SNTG1: variants seen among roughly 807,000 people sequenced by gnomAD.
SNTG1 encodes the protein syntrophin gamma 1, also known as gamma-1-syntrophin.
In SNTG1, 39 loss-of-function variants were observed where a neutral mutation model predicts 74.7. The observed-to-expected ratio is 0.52, with a 90% confidence interval of 0.40 to 0.68. SNTG1 has a LOEUF of 0.68. Ranked by LOEUF, SNTG1 falls within the 30% of genes least tolerant of loss-of-function variation. SNTG1 has a pLI of 0.00. For missense variants in SNTG1, 685 were observed against 609.5 expected (o/e 1.12, Z -1.30); for synonymous variants, 254 against 217.1 (o/e 1.17, Z -1.49).
rs1815020222 is a variant in SNTG1, at chr8:50,004,382, C to T, written c.-103+92151C>T. ...TTTTATAACAAAAGCTGGTGGTTTC[C>T]CAAATCTAAGTAGGAGAGAGAGGAC... On this transcript the variant is annotated intron_variant, in intron 1 of 18. Transcript: ENST00000642720. 2.0e-5 allele frequency among the ~76,000 whole-genome samples: 3 copies of T among 151,978 alleles called. No individual in the cohort carries two copies. The East Asian group carries it at 5.8e-4, about 29-fold the overall frequency.
chr8:50,348,532 G>T (rs538692190), intron 2 of SNTG1, among the ~76,000 whole-genome samples: 1 of 152,088 alleles, frequency 6.6e-6, no homozygotes, highest in Non-Finnish European at 1.5e-5. Context: ...CTTTAATTTG[G>T]TCACCGCAAG....
intron 2 of SNTG1, among the ~76,000 whole-genome samples, chr8:50,393,940 C>T (rs967344943): frequency 6.6e-6 from 1 of 152,156 alleles, no homozygotes; most frequent in Non-Finnish European, 1.5e-5. Context: ...AGTCTGAATG[C>T]CTGCTGGCGG....
intron 12 of SNTG1, among the ~76,000 whole-genome samples, chr8:50,589,544 TG>T (rs1240695954): frequency 1.3e-5 from 2 of 151,900 alleles, no homozygotes; most frequent in Admixed American, 1.3e-4. Flanking sequence ...CTTTCATAGC[TG>T]ATCTTCAAGT....
In SNTG1 at chr8:50,792,765, A is replaced by G. The variant is rs773505145; in HGVS notation, c.1490A>G (p.Asn497Ser). The change falls in exon 19 of 19, where the codon AAT becomes AGT. Residue 497 changes from asparagine (N) to serine (S), a missense_variant. Physicochemically the swap from Asn to Ser is conservative, Grantham distance 46. Coordinates refer to ENST00000642720, the MANE Select transcript of SNTG1 (RefSeq NM_018967.5). Reference sequence around the variant, plus strand: ...TGTTTGGACCCTCTATTTTTAGGCAATCAAGCTACTGCTTCTACTGCTGCC... The same window carrying G: ...TGTTTGGACCCTCTATTTTTAGGCAGTCAAGCTACTGCTTCTACTGCTGCC... ...VACLDPLFLG[N>S]QATASTAASS... 6.2e-7 allele frequency: 1 copy of G among 1,612,470 alleles called. No homozygotes were observed. The highest frequency in any genetic ancestry group is 1.1e-5 in the South Asian group (1 of 91,030).
Position 50,536,760 on chromosome 8 carries a change from T to C in SNTG1, c.632T>C (p.Leu211Pro). 3 of 1,614,066 alleles carry C rather than the reference T, an allele frequency of 1.9e-6. No individual in the cohort carries two copies. Among genetic ancestry groups the C allele is most frequent in the Non-Finnish European group, 2.5e-6 (3 of 1,179,900 alleles). ...KRWCDLRLIP[L>P]LHSRFSQYVP... ...TGGTGCGACCTCAGACTGATCCCTC[T>C]ACTTCATTCGCGCTTCTCTCAGTAT... Residue 211 changes from leucine (L) to proline (P), a missense_variant, in exon 11 of 19, where the codon CTA becomes CCA. Physicochemically the swap from Leu to Pro is moderately conservative, Grantham distance 98. Coordinates refer to ENST00000642720, the MANE Select transcript of SNTG1 (RefSeq NM_018967.5).
chr8:50,276,408 T>A (rs1005265473), intron 2 of SNTG1, among the ~76,000 whole-genome samples: 51 of 133,050 alleles, frequency 3.8e-4, no homozygotes, highest in African/African-American at 1.3e-3. Flanking sequence ...TATATATATA[T>A]AAATCATATA....
intron 15 of SNTG1, among the ~76,000 whole-genome samples, chr8:50,665,105 A>C (rs1461939288): frequency 6.6e-6 from 1 of 152,164 alleles, no homozygotes. Context: ...TAAAATATAC[A>C]TAGTGAGCAA....
At chr8:50,089,589 G>T (rs911330963) in intron 1 of SNTG1, among the ~76,000 whole-genome samples, 4 of 152,040 alleles carry the variant, frequency 2.6e-5, no homozygotes, top group African/African-American at 9.7e-5. Flanking sequence ...ATCAAAAAGT[G>T]GGCGAAAGAC....
At chr8:50,713,965 A>G (rs535971749) in intron 17 of SNTG1, among the ~76,000 whole-genome samples, 52 of 151,214 alleles carry the variant, frequency 3.4e-4, no homozygotes, top group African/African-American at 1.2e-3. Context: ...AGGCTGAGGC[A>G]GGAGAATTGC....
chr8:50,131,133 G>C (rs760261972), intron 1 of SNTG1, among the ~76,000 whole-genome samples: 5 of 152,018 alleles, frequency 3.3e-5, no homozygotes, highest in African/African-American at 1.2e-4. Flanking sequence ...GACAGTGAAA[G>C]TTTCAAATAA....
rs577075791 is a variant in SNTG1, at chr8:50,065,900, G to A, written c.-102-106661G>A. Among the ~76,000 whole-genome samples, 44 of 152,162 alleles carry A rather than the reference G, an allele frequency of 2.9e-4. No individual in the cohort carries two copies. The South Asian group carries it at 3.5e-3, about 12-fold the overall frequency. ...CTAAGTCTATGGCACCTCCTTTCCC[G>A]TGATAGTTTCTCAGCTTAAAATAAA... On this transcript the variant is annotated intron_variant, in intron 1 of 18. Coordinates refer to ENST00000642720, the MANE Select transcript of SNTG1 (RefSeq NM_018967.5).
intron 8 of SNTG1, among the ~76,000 whole-genome samples, chr8:50,500,793 C>A (rs1261540247): frequency 6.6e-6 from 1 of 152,102 alleles, no homozygotes; most frequent in Non-Finnish European, 1.5e-5. Context: ...TGGGCACCCA[C>A]TGTTCCCTGC....
chr8:50,436,500 A>G (rs1458108836), intron 4 of SNTG1, among the ~76,000 whole-genome samples: 2 of 152,096 alleles, frequency 1.3e-5, no homozygotes, highest in Non-Finnish European at 2.9e-5. Context: ...ACTCTATGCC[A>G]GGGTCTTTTA....
At chr8:50,104,792 C>T (rs999631985) in intron 1 of SNTG1, among the ~76,000 whole-genome samples, 1 of 152,084 alleles carries the variant, frequency 6.6e-6, no homozygotes, top group African/African-American at 2.4e-5. Flanking sequence ...CAAAGAACAT[C>T]TTTATTTCTG....
chr8:50,400,867 G>A (rs2092794693), intron 3 of SNTG1, among the ~76,000 whole-genome samples: 1 of 152,106 alleles, frequency 6.6e-6, no homozygotes, highest in African/African-American at 2.4e-5. Flanking sequence ...GGAGGAATAA[G>A]CTCTGTTACT....
intron 1 of SNTG1, among the ~76,000 whole-genome samples, chr8:49,970,156 C>G (rs1163701877): frequency 6.6e-6 from 1 of 152,060 alleles, no homozygotes; most frequent in South Asian, 2.1e-4. Context: ...TTTGACAACT[C>G]CAGTAATATC....
intron 5 of SNTG1, among the ~76,000 whole-genome samples, chr8:50,447,263 TA>T (rs534041441): frequency 2.6e-5 from 4 of 151,866 alleles, no homozygotes; most frequent in Admixed American, 2.0e-4. Context: ...TCTATGCATT[TA>T]AAAAAAATGG....
chr8:50,461,313 T>A (rs746400610), intron 8 of SNTG1, among the ~76,000 whole-genome samples: 2 of 152,064 alleles, frequency 1.3e-5, no homozygotes, highest in Admixed American at 6.6e-5. Context: ...TTACCATTGA[T>A]AATAACCTTG....
intron 18 of SNTG1, among the ~76,000 whole-genome samples, chr8:50,780,489 A>G (rs1195113726): frequency 6.6e-6 from 1 of 152,086 alleles, no homozygotes; most frequent in Non-Finnish European, 1.5e-5. Context: ...GTTTATTTGC[A>G]TAGAGGTGTT....
Sources: gnomAD v4.1 joint callset for allele counts (sites outside exome capture counted in the v4.1 genomes callset) on GRCh38, gnomAD v4.1.1 for gene constraint, MANE v1.5 for transcripts, NCBI Gene and HGNC (gene_info 2026-07-23, HGNC 2026-07-21) for gene names.